CSPP1: variants seen among roughly 807,000 people sequenced by gnomAD.
CSPP1 encodes the protein centrosome and spindle pole-associated protein 1.
A neutral mutation model predicts 164.4 loss-of-function variants in CSPP1; 126 were observed. The observed-to-expected ratio is 0.77, with a 90% CI of 0.66 to 0.89. The LOEUF (loss-of-function observed/expected upper bound fraction) is 0.89, where lower values mean the gene tolerates loss of function less well. Among genes scored for constraint, CSPP1 ranks in the 40% least tolerant of loss-of-function variants. The pLI, the probability that CSPP1 is intolerant of heterozygous loss-of-function variation, is 0.00. For missense variants in CSPP1, 1,395 were observed against 1,449.8 expected (o/e 0.96, Z 0.61); for synonymous variants, 472 against 476.7 (o/e 0.99, Z 0.13).
At chr8:67,172,780 T>C in intron 25 of CSPP1, 1 of 433,760 alleles carries the variant, frequency 2.3e-6, no homozygotes, top group South Asian at 4.5e-5. Flanking sequence ...GCATACAGTG[T>C]TAAAGTCTGG....
At chr8:67,167,759 C>T (rs1829712326) in intron 24 of CSPP1, among the ~76,000 whole-genome samples, 2 of 151,700 alleles carry the variant, frequency 1.3e-5, no homozygotes, top group South Asian at 2.1e-4. Flanking sequence ...CAGAGACGCT[C>T]CTCACTTCCT....
intron 7 of CSPP1, among the ~76,000 whole-genome samples, chr8:67,098,402 CT>C (rs61264336): frequency 0.29 from 42,962 of 148,724 alleles, 6,252 homozygotes; most frequent in East Asian, 0.39. Context: ...TAAACGTTTA[CT>C]TTTTTTTCAT....
At chr8:67,181,038 T>G (rs567330041) in intron 28 of CSPP1, among the ~76,000 whole-genome samples, 23 of 152,132 alleles carry the variant, frequency 1.5e-4, no homozygotes, top group African/African-American at 3.9e-4. Flanking sequence ...TGGTTTTTTT[T>G]TTGTTGTTGC....
chr8:67,101,896 A>G (rs1011643013), intron 7 of CSPP1, among the ~76,000 whole-genome samples: 1 of 152,212 alleles, frequency 6.6e-6, no homozygotes, highest in African/African-American at 2.4e-5. Flanking sequence ...TAGTTGGGTA[A>G]CTCAACAGCC....
chr8:67,177,123 A>C (rs1831884291), intron 26 of CSPP1, among the ~76,000 whole-genome samples: 1 of 152,022 alleles, frequency 6.6e-6, no homozygotes, highest in Non-Finnish European at 1.5e-5. Flanking sequence ...ACAATCACAA[A>C]CATGTCTATT....
intron 4 of CSPP1, chr8:67,086,800 TGGTTTG>T: frequency 7.5e-7 from 1 of 1,333,488 alleles, no homozygotes. Flanking sequence ...ACTTTGTCAA[TGGTTTG>T]TTTCCCTTGA....
intron 15 of CSPP1, among the ~76,000 whole-genome samples, chr8:67,119,634 AATT>A (rs1410885435): frequency 3.3e-5 from 5 of 151,946 alleles, no homozygotes; most frequent in African/African-American, 1.2e-4. Flanking sequence ...GCATTTCCCT[AATT>A]ATTAGTGAGG....
intron 19 of CSPP1, 59 bp from the exon 20 acceptor site, chr8:67,158,388 A>C (rs1827074145): frequency 6.9e-7 from 1 of 1,456,326 alleles, no homozygotes; most frequent in African/African-American, 1.4e-5. Context: ...GAAAAAAATA[A>C]GTGATATTCT....
intron 17 of CSPP1, among the ~76,000 whole-genome samples, chr8:67,139,756 C>T (rs1823105076): frequency 6.6e-6 from 1 of 152,132 alleles, no homozygotes; most frequent in South Asian, 2.1e-4. Flanking sequence ...AAAAACCAAA[C>T]ACCGCATGTT....
At chr8:67,077,371 T>C (rs1808170095) in intron 3 of CSPP1, among the ~76,000 whole-genome samples, 1 of 152,074 alleles carries the variant, frequency 6.6e-6, no homozygotes, top group African/African-American at 2.4e-5. Context: ...AGTCTGACCC[T>C]GTCGCCCAGG....
At chr8:67,089,603 C>G (rs1811195219) in intron 4 of CSPP1, among the ~76,000 whole-genome samples, 1 of 151,976 alleles carries the variant, frequency 6.6e-6, no homozygotes, top group South Asian at 2.1e-4. Flanking sequence ...TTTATTATTT[C>G]TTTTTCATTT....
chr8:67,106,877 G>GC (rs1372395520), intron 9 of CSPP1, among the ~76,000 whole-genome samples: 2 of 152,032 alleles, frequency 1.3e-5, no homozygotes, highest in Non-Finnish European at 2.9e-5. Flanking sequence ...TCAGGTTTTT[G>GC]TTCCCTTGTG....
At chr8:67,157,010 G>A (rs1376352750) in intron 19 of CSPP1, among the ~76,000 whole-genome samples, 1 of 152,130 alleles carries the variant, frequency 6.6e-6, no homozygotes, top group Non-Finnish European at 1.5e-5. Context: ...TCCATTAATA[G>A]CTTAAAAATT....
At chr8:67,072,792 A>C (rs1807080929) in intron 1 of CSPP1, among the ~76,000 whole-genome samples, 1 of 150,686 alleles carries the variant, frequency 6.6e-6, no homozygotes, top group Admixed American at 6.7e-5. Context: ...GCTTGAGCCC[A>C]GGAGTTCAAG....
At chr8:67,191,561 TTTC>T (rs1325706053) in intron 29 of CSPP1, among the ~76,000 whole-genome samples, 1 of 152,264 alleles carries the variant, frequency 6.6e-6, no homozygotes, top group Non-Finnish European at 1.5e-5. Flanking sequence ...TGGATTTGTC[TTTC>T]TTTTGAAGGT....
chr8:67,118,673 G>T, intron 14 of CSPP1, 70 bp from the exon 15 acceptor site: 1 of 1,074,832 alleles, frequency 9.3e-7, no homozygotes, highest in South Asian at 1.5e-5. Flanking sequence ...TTTTTCTGGA[G>T]GAATAAGTAA....
intron 18 of CSPP1, among the ~76,000 whole-genome samples, chr8:67,152,827 T>C (rs916432830): frequency 6.6e-6 from 1 of 152,252 alleles, no homozygotes; most frequent in Non-Finnish European, 1.5e-5. Flanking sequence ...TTAATAAATT[T>C]AAATACAAAA....
At position 67,158,462 on chromosome 8, in the gene CSPP1, CAA is replaced by C. The variant is rs587777139; in HGVS notation, c.2259_2260del (p.Glu755GlyfsTer30). On this transcript the variant is annotated frameshift_variant, in exon 20 of 31. Coordinates refer to ENST00000678616, the MANE Select transcript of CSPP1 (RefSeq NM_001382391.1). LOFTEE classifies it high-confidence loss of function. ...FLRFQIEEKKQREEAERERLR... is the reference protein window; with the variant it reads ...FLRFQIEEKKXREEAERERLR... ...AATTCTTTAGATTGAGGAAAAGAAA[CAA>C]AGAGAGGAAGCAGAGCGAGAGAGAC... 148 of 1,597,440 alleles carry C rather than the reference CAA, an allele frequency of 9.3e-5. No homozygotes were observed. Among genetic ancestry groups the C allele is most frequent in the African/African-American group, 1.4e-4 (10 of 73,720 alleles).
rs2129559050 is a variant in CSPP1 at position 67,154,069 on chromosome 8, T to C, written c.2174T>C (p.Phe725Ser). ...QSSPFARGNV[F>S]GEPPTELQIK... The stretch of plus-strand genomic sequence containing the variant: ...TCTCCTTTTGCTCGGGGAAATGTAT[T>C]TGGTGAGCCTCCAACTGAACTTCAG... The change falls in exon 19 of 31, where the codon TTT becomes TCT. Residue 725 changes from phenylalanine (F) to serine (S), a missense_variant. Physicochemically the swap from Phe to Ser is radical, Grantham distance 155. Transcript: ENST00000678616. 1.9e-6 allele frequency: 3 copies of C among 1,608,560 alleles called. No homozygotes were observed. The highest frequency in any genetic ancestry group is 2.2e-5 in the East Asian group (1 of 44,690).
Sources: allele counts gnomAD v4.1 joint callset (sites outside exome capture counted in the v4.1 genomes callset), GRCh38; gene constraint gnomAD v4.1.1; transcripts MANE v1.5; gene names NCBI Gene and HGNC (gene_info 2026-07-23, HGNC 2026-07-21).